Variants in ZBTB20 observed in about 807,000 individuals in gnomAD.
ZBTB20 encodes zinc finger and BTB domain-containing protein 20.
In ZBTB20, 9 loss-of-function variants were observed where a neutral mutation model predicts 56.9. That is an observed-to-expected ratio of 0.16 (90% CI 0.10 to 0.28). The LOEUF (loss-of-function observed/expected upper bound fraction) is 0.28, where lower values mean the gene tolerates loss of function less well. Ranked by LOEUF, ZBTB20 falls within the 10% of genes least tolerant of loss-of-function variation. The probability of loss-of-function intolerance (pLI) is 1.00; values close to 1 mark genes in which losing one functional copy is unlikely to be tolerated. For synonymous variants in ZBTB20, 417 were observed against 420.7 expected, an observed-to-expected ratio of 0.99 and a Z score of 0.11; for missense variants, 655 against 1,003.0, an observed-to-expected ratio of 0.65 and a Z score of 4.69.
At chr3:114,565,571 T>A (rs1035403992) in intron 6 of ZBTB20, among the ~76,000 whole-genome samples, 3 of 152,202 alleles carry the variant, frequency 2.0e-5, no homozygotes, top group African/African-American at 7.2e-5. Context: ...GGAACAGGCA[T>A]ACGTTTAGGG....
intron 7 of ZBTB20, among the ~76,000 whole-genome samples, chr3:114,421,063 C>A (rs1247074987): frequency 2.6e-5 from 4 of 152,130 alleles, no homozygotes; most frequent in African/African-American, 9.7e-5. Context: ...TCTAAAATAT[C>A]TTGATTACCA....
At chr3:114,865,814 C>T (rs2075742903) in intron 4 of ZBTB20, among the ~76,000 whole-genome samples, 1 of 152,046 alleles carries the variant, frequency 6.6e-6, no homozygotes, top group Non-Finnish European at 1.5e-5. Context: ...AAGGTAGTAT[C>T]CCTAGAAATG....
chr3:114,774,845 G>T (rs1204780199), intron 5 of ZBTB20, among the ~76,000 whole-genome samples: 1 of 151,548 alleles, frequency 6.6e-6, no homozygotes, highest in Non-Finnish European at 1.5e-5. Flanking sequence ...TTTTGTGTGG[G>T]TGCATTAATT....
rs1491237893 is a variant in ZBTB20 at position 114,748,378 on chromosome 3, CTT to C, written c.-343+52721_-343+52722del. ...TCTCTCTCTCTCTCTCTCTCTCTCT[CTT>C]TCTTTCTTTTGGCTTTGTTGTAGCT... On this transcript the variant is annotated intron_variant, in intron 5 of 11. Transcript: ENST00000675478. Among the ~76,000 whole-genome samples, 837 of 145,500 alleles carry C rather than the reference CTT, an allele frequency of 5.8e-3. 40 individuals carry two copies. The highest frequency in any genetic ancestry group is 0.017 in the African/African-American group (650 of 38,866).
chr3:114,879,565 G>T (rs1442582691), intron 4 of ZBTB20, among the ~76,000 whole-genome samples: 1 of 152,098 alleles, frequency 6.6e-6, no homozygotes, highest in Non-Finnish European at 1.5e-5. Flanking sequence ...CTTGCTCCAT[G>T]AGGAAATGAG....
intron 1 of ZBTB20, among the ~76,000 whole-genome samples, chr3:115,072,234 T>G (rs2082435476): frequency 6.6e-6 from 1 of 152,156 alleles, no homozygotes; most frequent in African/African-American, 2.4e-5. Context: ...TTCCTCCGAG[T>G]TGAAGCTCTA....
At chr3:114,785,099 G>GACAC (rs981204878) in intron 5 of ZBTB20, among the ~76,000 whole-genome samples, 1 of 152,000 alleles carries the variant, frequency 6.6e-6, no homozygotes, top group Non-Finnish European at 1.5e-5. Context: ...GACCCCAAAA[G>GACAC]ACACACACAC....
At chr3:114,616,684 T>C (rs2057968848) in intron 6 of ZBTB20, among the ~76,000 whole-genome samples, 1 of 152,212 alleles carries the variant, frequency 6.6e-6, no homozygotes, top group Non-Finnish European at 1.5e-5. Flanking sequence ...TTTGGATGAT[T>C]CAGATGACTG....
chr3:114,849,898 C>CT (rs34170211), intron 4 of ZBTB20, among the ~76,000 whole-genome samples: 76,435 of 114,768 alleles, frequency 0.67, 28,527 homozygotes, highest in Non-Finnish European at 0.82. Context: ...ATCAGGAAAT[C>CT]TTTTTTTTTT....
intron 1 of ZBTB20, among the ~76,000 whole-genome samples, chr3:115,120,087 G>A (rs751488009): frequency 6.6e-6 from 1 of 152,070 alleles, no homozygotes; most frequent in African/African-American, 2.4e-5. Context: ...CTCTGTATGA[G>A]TCTTATAATG....
chr3:114,367,233 C>T (rs967688699), intron 10 of ZBTB20: 1 of 152,326 alleles, frequency 6.6e-6, no homozygotes, highest in African/African-American at 2.4e-5. Context: ...TAAGAGAGCA[C>T]ACAAGTCCAT....
At chr3:115,079,814 A>G (rs1560554856) in intron 1 of ZBTB20, among the ~76,000 whole-genome samples, 1 of 152,248 alleles carries the variant, frequency 6.6e-6, no homozygotes, top group Non-Finnish European at 1.5e-5. Flanking sequence ...ATTGCATATT[A>G]TCCATACTTT....
intron 11 of ZBTB20, among the ~76,000 whole-genome samples, chr3:114,349,298 T>A (rs940322157): frequency 6.6e-6 from 1 of 152,154 alleles, no homozygotes; most frequent in African/African-American, 2.4e-5. Flanking sequence ...CAATCGCTTA[T>A]GTGCTCACTT....
chr3:114,517,105 C>T (rs555746003), intron 6 of ZBTB20, among the ~76,000 whole-genome samples: 6 of 152,286 alleles, frequency 3.9e-5, no homozygotes, highest in Admixed American at 1.3e-4. Context: ...AACTTCATCA[C>T]GTTACTGCAT....
intron 7 of ZBTB20, among the ~76,000 whole-genome samples, chr3:114,485,913 C>T (rs567700805): frequency 6.6e-6 from 1 of 152,154 alleles, no homozygotes; most frequent in East Asian, 1.9e-4. Context: ...TACCCAGTCT[C>T]AGGTATTTTG....
chr3:114,974,438 A>G (rs1031401379), intron 2 of ZBTB20, 22 bp from the exon 3 acceptor site: 5 of 152,154 alleles, frequency 3.3e-5, no homozygotes, highest in African/African-American at 1.2e-4. Context: ...GGAATACTTA[A>G]AATTAGAAAT....
chr3:114,330,643 C>T lies in ZBTB20; in HGVS notation c.*8362G>A, dbSNP rs957242561. 3.3e-5 allele frequency: 5 copies of T among 152,110 alleles called. No individual in the cohort carries two copies. The highest frequency in any genetic ancestry group is 6.5e-5 in the Admixed American group (1 of 15,300). The allele number at this position is 152,110 out of a possible 1,614,324, so 9.4% of individuals were successfully genotyped here. A position where few individuals can be genotyped will look rare whatever the true frequency, so the allele number is the denominator to read the frequency against. On this transcript the variant is annotated 3_prime_UTR_variant, in exon 12 of 12. Transcript: ENST00000675478. ...CAATATACATTTTAAAAAGTAATAA[C>T]GACAAAAAAGTTGCAACTGTAAGTA...
chr3:114,429,491 T>C (rs2089960737), intron 7 of ZBTB20, among the ~76,000 whole-genome samples: 1 of 152,176 alleles, frequency 6.6e-6, no homozygotes, highest in Non-Finnish European at 1.5e-5. Context: ...ATGCCCTAAC[T>C]CGGTAGCTCA....
chr3:114,725,646 A>C (rs1050057604), intron 5 of ZBTB20, among the ~76,000 whole-genome samples: 3 of 152,216 alleles, frequency 2.0e-5, no homozygotes, highest in Non-Finnish European at 2.9e-5. Flanking sequence ...TTTCATTCCC[A>C]ATCAGCGAAA....
Sources: allele counts gnomAD v4.1 joint callset (sites outside exome capture counted in the v4.1 genomes callset), GRCh38; gene constraint gnomAD v4.1.1; transcripts MANE v1.5; gene names NCBI Gene and HGNC (gene_info 2026-07-23, HGNC 2026-07-21).